Variants in CHD9 observed in about 807,000 individuals in gnomAD.
The protein encoded by CHD9 is chromodomain helicase DNA binding protein 9, also known as ATP-dependent chromatin remodeler CHD9.
Under a neutral mutation model 316.1 loss-of-function variants are expected in CHD9, and 77 were observed. The ratio of observed to expected loss-of-function variants is 0.24; its 90% CI spans 0.20 to 0.29. CHD9 has a LOEUF of 0.29. Ranked by LOEUF, CHD9 falls within the 10% of genes least tolerant of loss-of-function variation. The pLI is 1.00. For missense variants in CHD9, 2,763 were observed against 3,438.1 expected, an observed-to-expected ratio of 0.80 and a Z score of 4.91; for synonymous variants, 1,129 against 1,158.3, an observed-to-expected ratio of 0.97 and a Z score of 0.51.
At chr16:53,174,806 T>C (rs1002781908) in intron 2 of CHD9, among the ~76,000 whole-genome samples, 2 of 152,104 alleles carry the variant, frequency 1.3e-5, no homozygotes, top group Non-Finnish European at 1.5e-5. Context: ...GATGCAGTCT[T>C]ACTTTGTTGC....
intron 2 of CHD9, among the ~76,000 whole-genome samples, chr16:53,174,424 C>A (rs1040354127): frequency 6.6e-6 from 1 of 151,990 alleles, no homozygotes; most frequent in Non-Finnish European, 1.5e-5. Context: ...AGACTTGTTT[C>A]TTTTACATGT....
At chr16:53,262,559 A>G (rs1459523925) in intron 19 of CHD9, among the ~76,000 whole-genome samples, 2 of 152,094 alleles carry the variant, frequency 1.3e-5, no homozygotes, top group Non-Finnish European at 2.9e-5. Context: ...TTCCTTTAGG[A>G]GATATTACTA....
At chr16:53,208,130 C>A (rs960449956) in intron 2 of CHD9, 1 of 1,061,020 alleles carries the variant, frequency 9.4e-7, no homozygotes, top group East Asian at 9.5e-5. Context: ...ATAGGATGAA[C>A]AGTAGATATA....
chr16:53,276,775 CCT>C (rs2052877159), intron 24 of CHD9, among the ~76,000 whole-genome samples: 1 of 151,990 alleles, frequency 6.6e-6, no homozygotes, highest in Non-Finnish European at 1.5e-5. Context: ...AAGGAAAAAA[CCT>C]CTCTCAGTAT....
intron 2 of CHD9, among the ~76,000 whole-genome samples, chr16:53,173,989 A>T (rs1027894640): frequency 2.6e-5 from 4 of 152,084 alleles, no homozygotes; most frequent in Admixed American, 6.6e-5. Context: ...TTTCATTTTT[A>T]TTCAGTTATT....
chr16:53,141,227 A>G lies in CHD9; in HGVS notation c.-164-14699A>G, dbSNP rs137936912. 6.8e-3 allele frequency among the ~76,000 whole-genome samples: 1,032 copies of G among 152,312 alleles called. 6 individuals carry two copies. The highest frequency in any genetic ancestry group is 0.011 in the South Asian group (51 of 4,822). On this transcript the variant is annotated intron_variant, in intron 1 of 38. Coordinates refer to ENST00000447540, the MANE Select transcript of CHD9 (RefSeq NM_001308319.2). ...TATAATCCCTATTTACAGATGAAGA[A>G]ACTGAGCTTCAAAATGATTAAGTGT... is the stretch of plus-strand genomic sequence containing the variant.
intron 2 of CHD9, among the ~76,000 whole-genome samples, chr16:53,162,744 C>A (rs2042000065): frequency 1.3e-5 from 2 of 149,358 alleles, no homozygotes; most frequent in Admixed American, 6.7e-5. Context: ...TTAAAAAAAA[C>A]TTGTAAAAGA....
intron 1 of CHD9, among the ~76,000 whole-genome samples, chr16:53,081,423 A>T (rs1451668260): frequency 6.6e-6 from 1 of 152,238 alleles, no homozygotes; most frequent in African/African-American, 2.4e-5. Flanking sequence ...CCACTGGAGC[A>T]GTGGAGACAA....
intron 18 of CHD9, 51 bp downstream of exon 18, chr16:53,254,656 AT>A (rs2050423385): frequency 1.3e-6 from 2 of 1,513,580 alleles, no homozygotes; most frequent in African/African-American, 2.7e-5. Flanking sequence ...TTTGCATTTG[AT>A]TTTACCTCCA....
intron 12 of CHD9, among the ~76,000 whole-genome samples, chr16:53,239,049 G>C (rs957897221): frequency 6.6e-6 from 1 of 152,058 alleles, no homozygotes; most frequent in Non-Finnish European, 1.5e-5. Context: ...TTTTATTTTA[G>C]ACATTTTTTA....
chr16:53,231,550 A>G (rs1360526003), intron 9 of CHD9, 45 bp downstream of exon 9: 1 of 1,405,830 alleles, frequency 7.1e-7, no homozygotes, highest in East Asian at 2.3e-5. Flanking sequence ...AAAATCTGAA[A>G]CTTTCCAAGT....
In CHD9 at chr16:53,109,132, C is replaced by T. The variant is rs1054239492; in HGVS notation, c.-164-46794C>T. ...TGGTTCCTATCTCTCATGCCATGCC[C>T]GGTTGCCCTGTCCTGGGGATAATCC... is the stretch of plus-strand genomic sequence containing the variant. On this transcript the variant is annotated intron_variant, in intron 1 of 38. Transcript: ENST00000447540. 7.9e-5 allele frequency among the ~76,000 whole-genome samples: 12 copies of T among 152,244 alleles called. No individual in the cohort carries two copies. In the South Asian group the frequency reaches 2.1e-3, roughly 26 times the overall value.
intron 24 of CHD9, among the ~76,000 whole-genome samples, chr16:53,284,915 AC>A (rs1339914271): frequency 1.3e-5 from 2 of 152,068 alleles, no homozygotes; most frequent in African/African-American, 4.8e-5. Context: ...ACAGGTGTGC[AC>A]CACCACGCCC....
At chr16:53,209,231 A>C (rs892244169) in intron 2 of CHD9, among the ~76,000 whole-genome samples, 6 of 152,212 alleles carry the variant, frequency 3.9e-5, no homozygotes, top group African/African-American at 1.4e-4. Flanking sequence ...CAACTAACCA[A>C]GAATGCTATG....
chr16:53,177,628 T>A (rs566458792), intron 2 of CHD9, among the ~76,000 whole-genome samples: 1 of 152,326 alleles, frequency 6.6e-6, no homozygotes, highest in Non-Finnish European at 1.5e-5. Context: ...GCTCTTGTTA[T>A]TACATAACTA....
chr16:53,285,156 A>T (rs1294988391), intron 24 of CHD9, among the ~76,000 whole-genome samples: 1 of 152,150 alleles, frequency 6.6e-6, no homozygotes, highest in East Asian at 1.9e-4. Context: ...AGTGGTCTAG[A>T]GGAGCTATTA....
At chr16:53,083,662 C>T (rs542104381) in intron 1 of CHD9, among the ~76,000 whole-genome samples, 30 of 152,120 alleles carry the variant, frequency 2.0e-4, no homozygotes, top group Non-Finnish European at 3.4e-4. Flanking sequence ...CTCAGTTTCC[C>T]TCTTTTCTCT....
At chr16:53,189,325 T>C (rs2044294898) in intron 2 of CHD9, among the ~76,000 whole-genome samples, 1 of 152,054 alleles carries the variant, frequency 6.6e-6, no homozygotes, top group African/African-American at 2.4e-5. Flanking sequence ...TTTTATTATG[T>C]TGCAAAGGTT....
intron 5 of CHD9, chr16:53,227,161 G>A (rs1426496905): frequency 3.0e-6 from 1 of 331,706 alleles, no homozygotes; most frequent in Admixed American, 5.5e-5. Flanking sequence ...TTAGAATAAT[G>A]ACCAGCACAT....
Sources: gnomAD v4.1 joint callset for allele counts (sites outside exome capture counted in the v4.1 genomes callset) on GRCh38, gnomAD v4.1.1 for gene constraint, MANE v1.5 for transcripts, NCBI Gene and HGNC (gene_info 2026-07-23, HGNC 2026-07-21) for gene names.